TANC2: variants seen among roughly 807,000 people sequenced by gnomAD.
The protein encoded by TANC2 is tetratricopeptide repeat, ankyrin repeat and coiled-coil containing 2.
Under a neutral mutation model 210.5 loss-of-function variants are expected in TANC2, and 26 were observed. The ratio of observed to expected loss-of-function variants is 0.12; its 90% CI spans 0.09 to 0.17. TANC2 has a LOEUF of 0.17. TANC2 is among the 10% of genes least tolerant of loss of function. The probability of loss-of-function intolerance (pLI) is 1.00; values close to 1 mark genes in which losing one functional copy is unlikely to be tolerated. For synonymous variants in TANC2, 931 were observed against 967.1 expected, an observed-to-expected ratio of 0.96 and a Z score of 0.69; for missense variants, 2,129 against 2,608.9, an observed-to-expected ratio of 0.82 and a Z score of 4.01.
chr17:63,405,236 T>C, exon 20 of TANC2: 1 of 1,590,078 alleles, frequency 6.3e-7, no homozygotes, highest in Non-Finnish European at 8.6e-7. Flanking sequence ...TTCAGCACAG[T>C]GCGCCAGGGC....
chr17:62,977,045 T>C (rs2032045564), intron 1 of TANC2, among the ~76,000 whole-genome samples: 1 of 152,240 alleles, frequency 6.6e-6, no homozygotes, highest in Non-Finnish European at 1.5e-5. Flanking sequence ...CCATGCACTC[T>C]TGTGGCAAAA....
intron 9 of TANC2, among the ~76,000 whole-genome samples, chr17:63,279,272 C>T (rs1359494894): frequency 6.6e-6 from 1 of 152,118 alleles, no homozygotes; most frequent in African/African-American, 2.4e-5. Flanking sequence ...AGGATGAAAG[C>T]ATGACCATCA....
chr17:63,213,163 G>T (rs535208322), intron 7 of TANC2, among the ~76,000 whole-genome samples: 91 of 152,074 alleles, frequency 6.0e-4, no homozygotes, highest in Non-Finnish European at 1.0e-3. Flanking sequence ...TCAGTGTTTG[G>T]AGCCTACCGT....
At chr17:63,376,493 G>A (rs2047428784) in intron 14 of TANC2, among the ~76,000 whole-genome samples, 1 of 152,102 alleles carries the variant, frequency 6.6e-6, no homozygotes, top group Non-Finnish European at 1.5e-5. Flanking sequence ...TGCTGTGACT[G>A]TAGAGTTTTT....
chr17:63,374,789 A>G (rs2047375621), intron 14 of TANC2, among the ~76,000 whole-genome samples: 2 of 152,234 alleles, frequency 1.3e-5, no homozygotes, highest in African/African-American at 2.4e-5. Context: ...ATACCATGCT[A>G]AGGAATTTAA....
At chr17:63,295,219 G>A (rs1417282635) in intron 9 of TANC2, among the ~76,000 whole-genome samples, 1 of 152,068 alleles carries the variant, frequency 6.6e-6, no homozygotes, top group Non-Finnish European at 1.5e-5. Flanking sequence ...CAGTTGTTTT[G>A]CCATATGGTA....
intron 3 of TANC2, among the ~76,000 whole-genome samples, chr17:63,084,854 C>A (rs2036902577): frequency 6.6e-6 from 1 of 152,040 alleles, no homozygotes; most frequent in Non-Finnish European, 1.5e-5. Context: ...TGTATGATTT[C>A]TATTCTTTTG....
chr17:63,193,859 C>G, intron 5 of TANC2, 132 bp from the exon 6 acceptor site: 1 of 1,046,736 alleles, frequency 9.6e-7, no homozygotes, highest in Non-Finnish European at 1.3e-6. Flanking sequence ...CCAAGAAAAA[C>G]CTCATAACTT....
chr17:63,051,160 GAAT>G (rs1329309191), intron 2 of TANC2, among the ~76,000 whole-genome samples: 2 of 152,168 alleles, frequency 1.3e-5, no homozygotes, highest in African/African-American at 4.8e-5. Context: ...TGATCATCAT[GAAT>G]AATATTTATG....
intron 7 of TANC2, among the ~76,000 whole-genome samples, chr17:63,204,647 A>C (rs925365645): frequency 7.2e-5 from 11 of 152,162 alleles, no homozygotes; most frequent in Non-Finnish European, 1.3e-4. Flanking sequence ...GAAAGAAAGA[A>C]AGACTCATCC....
At chr17:63,327,960 T>G (rs1387918397) in intron 11 of TANC2, among the ~76,000 whole-genome samples, 1 of 152,164 alleles carries the variant, frequency 6.6e-6, no homozygotes, top group Non-Finnish European at 1.5e-5. Flanking sequence ...GAGTGTGATG[T>G]TCCCCTTCCT....
exon 16 of TANC2, chr17:63,388,732 G>T: frequency 1.9e-6 from 3 of 1,571,754 alleles, no homozygotes; most frequent in Non-Finnish European, 1.7e-6. Flanking sequence ...GCGTCTTTAC[G>T]AAATCTCTAC....
At chr17:63,292,227 A>G (rs982344815) in intron 9 of TANC2, among the ~76,000 whole-genome samples, 1 of 152,104 alleles carries the variant, frequency 6.6e-6, no homozygotes, top group Middle Eastern at 3.2e-3. Context: ...GATTGATAAG[A>G]AAAAAACAAT....
chr17:63,337,498 T>G (rs1227269200), intron 11 of TANC2, among the ~76,000 whole-genome samples: 1 of 152,056 alleles, frequency 6.6e-6, no homozygotes, highest in Non-Finnish European at 1.5e-5. Flanking sequence ...CTTTTCCATT[T>G]AAGTCTCTGC....
At chr17:63,374,867 A>G (rs1414089979) in intron 14 of TANC2, among the ~76,000 whole-genome samples, 2 of 152,200 alleles carry the variant, frequency 1.3e-5, no homozygotes, top group Non-Finnish European at 2.9e-5. Context: ...GGTTTTTGCA[A>G]TGTAGATTAT....
At chr17:63,395,677 T>A in intron 17 of TANC2, 66 bp from the exon 18 acceptor site, 1 of 1,454,226 alleles carries the variant, frequency 6.9e-7, no homozygotes, top group Non-Finnish European at 9.5e-7. Context: ...CAGTGGCGGA[T>A]GTGACTAGAT....
At chr17:63,013,831 T>C (rs1296317656) in intron 2 of TANC2, among the ~76,000 whole-genome samples, 1 of 151,946 alleles carries the variant, frequency 6.6e-6, no homozygotes, top group African/African-American at 2.4e-5. Flanking sequence ...GTAGGATTTC[T>C]TGACTCTGCG....
In TANC2 at chr17:63,097,807, A is replaced by G. The variant is rs75237292; in HGVS notation, c.140-1368A>G. On this transcript the variant is annotated intron_variant, in intron 3 of 27. Coordinates refer to ENST00000689528, the Ensembl canonical transcript of TANC2. ...CAGTTTTTAATTTTGATGAAATCCA[A>G]TTGATTTTTTCCTTTAATGCTTGTG... 9.9e-3 allele frequency among the ~76,000 whole-genome samples: 1,510 copies of G among 152,160 alleles called. 32 individuals carry two copies. The highest frequency in any genetic ancestry group is 0.033 in the African/African-American group (1,351 of 41,516).
At chr17:63,351,968 A>G (rs1008764229) in intron 13 of TANC2, among the ~76,000 whole-genome samples, 1 of 152,004 alleles carries the variant, frequency 6.6e-6, no homozygotes, top group South Asian at 2.1e-4. Context: ...TGTTTTTTCT[A>G]ATTACTTTCC....
Sources: gnomAD v4.1 joint callset for allele counts (sites outside exome capture counted in the v4.1 genomes callset) on GRCh38, gnomAD v4.1.1 for gene constraint, MANE v1.5 for transcripts, NCBI Gene and HGNC (gene_info 2026-07-23, HGNC 2026-07-21) for gene names.